CREBRF: variants seen among roughly 807,000 people sequenced by gnomAD.
CREBRF encodes UPF0474 protein C5orf41.
CREBRF carries 5 observed loss-of-function variants against 66.1 expected under a neutral mutation model. The observed-to-expected ratio is 0.08, with a 90% CI of 0.04 to 0.16. The LOEUF is 0.16. CREBRF is among the 10% of genes least tolerant of loss of function. The probability of loss-of-function intolerance (pLI) is 1.00; values close to 1 mark genes in which losing one functional copy is unlikely to be tolerated. For missense variants in CREBRF, 531 were observed against 744.9 expected, an observed-to-expected ratio of 0.71 and a Z score of 3.34; for synonymous variants, 229 against 264.4, an observed-to-expected ratio of 0.87 and a Z score of 1.30.
chr5:173,108,599 A>G, intron 4 of CREBRF, 25 bp from the exon 5 acceptor site: 1 of 1,589,586 alleles, frequency 6.3e-7, no homozygotes, highest in Non-Finnish European at 8.5e-7. Flanking sequence ...TATGGAGCTT[A>G]AAAATTGCGG....
chr5:173,069,765 A>G (rs1046619913), intron 1 of CREBRF, among the ~76,000 whole-genome samples: 2 of 152,166 alleles, frequency 1.3e-5, no homozygotes, highest in African/African-American at 4.8e-5. Flanking sequence ...AACCATGTTC[A>G]AATAACCTCT....
intron 4 of CREBRF, among the ~76,000 whole-genome samples, chr5:173,098,856 T>C (rs558251732): frequency 6.6e-6 from 1 of 152,028 alleles, no homozygotes; most frequent in Admixed American, 6.6e-5. Context: ...TTCTTTGTCT[T>C]GTGATAGTTG....
At position 173,136,042 on chromosome 5, in the gene CREBRF, G is replaced by T. The variant is rs1415231979; in HGVS notation, c.*2297G>T. 6.6e-6 allele frequency: 1 copy of T among 152,470 alleles called. No individual in the cohort carries two copies. The highest frequency in any genetic ancestry group is 2.4e-5 in the African/African-American group (1 of 41,446). The allele number at this position is 152,470 out of a possible 1,614,324, so 9.4% of individuals were successfully genotyped here. A position where few individuals can be genotyped will look rare whatever the true frequency, so the allele number is the denominator to read the frequency against. On this transcript the variant is annotated 3_prime_UTR_variant, in exon 9 of 9. Transcript: ENST00000296953. ...GAAGTATATGAAGTCTTGACAGAGT[G>T]TGTCTGGTAAATTGAAAAGTGTTTC...
At chr5:173,129,278 G>A (rs998861940) in intron 8 of CREBRF, among the ~76,000 whole-genome samples, 8 of 150,364 alleles carry the variant, frequency 5.3e-5, no homozygotes, top group East Asian at 4.0e-4. Flanking sequence ...CACTGCGCCC[G>A]GCTAATTTTT....
chr5:173,095,669 T>C (rs923815502), intron 4 of CREBRF, among the ~76,000 whole-genome samples: 3 of 152,300 alleles, frequency 2.0e-5, no homozygotes, highest in South Asian at 2.1e-4. Context: ...TTGGGTGATA[T>C]GGATATTTTG....
intron 6 of CREBRF, among the ~76,000 whole-genome samples, chr5:173,112,032 T>C (rs1725839898): frequency 6.6e-6 from 1 of 152,246 alleles, no homozygotes; most frequent in Admixed American, 6.5e-5. Context: ...TGTTTTCTGG[T>C]AACTCAGTTA....
intron 8 of CREBRF, among the ~76,000 whole-genome samples, chr5:173,131,695 TACACACACAC>T (rs67580803): frequency 0.36 from 54,271 of 148,908 alleles, 10,426 homozygotes; most frequent in Non-Finnish European, 0.43. Context: ...TATATATGTA[TACACACACAC>T]ACACACACAC....
chr5:173,092,022 G>C, intron 4 of CREBRF: 2 of 336,362 alleles, frequency 5.9e-6, no homozygotes, highest in Non-Finnish European at 8.4e-6. Context: ...CTGAGGTTGC[G>C]GTTAGCTGAC....
In CREBRF at chr5:173,138,662, G is replaced by A. The variant is rs1246942650; in HGVS notation, c.*4917G>A. On this transcript the variant is annotated 3_prime_UTR_variant, in exon 9 of 9. Coordinates refer to ENST00000296953, the MANE Select transcript of CREBRF (RefSeq NM_153607.3). ...CAATGGTGTAGTTAATTAAATTCTG[G>A]GTGGATAGGAGCAGGACTGATTACT... is the stretch of plus-strand genomic sequence containing the variant. 6.6e-6 allele frequency: 1 copy of A among 152,056 alleles called. No individual in the cohort carries two copies. The highest frequency in any genetic ancestry group is 1.5e-5 in the Non-Finnish European group (1 of 68,000). The allele number at this position is 152,056 out of a possible 1,614,324, so 9.4% of individuals were successfully genotyped here. A position where few individuals can be genotyped will look rare whatever the true frequency, so the allele number is the denominator to read the frequency against.
chr5:173,070,591 C>T (rs1202879809), intron 1 of CREBRF, among the ~76,000 whole-genome samples: 1 of 152,044 alleles, frequency 6.6e-6, no homozygotes, highest in African/African-American at 2.4e-5. Flanking sequence ...TTTAATTCTA[C>T]TTCTTCCTCT....
intron 1 of CREBRF, among the ~76,000 whole-genome samples, chr5:173,071,529 A>G (rs563742223): frequency 6.6e-6 from 1 of 151,024 alleles, no homozygotes; most frequent in South Asian, 2.2e-4. Context: ...TTTTTTTAAG[A>G]GACTAGGTCT....
intron 7 of CREBRF, 104 bp from the exon 8 acceptor site, chr5:173,122,976 A>G (rs1759176822): frequency 8.7e-7 from 1 of 1,145,776 alleles, no homozygotes; most frequent in African/African-American, 1.6e-5. Flanking sequence ...TATGTGCCAC[A>G]TTTTCTTAAT....
chr5:173,120,340 T>A (rs1759109527), intron 7 of CREBRF, among the ~76,000 whole-genome samples: 1 of 151,990 alleles, frequency 6.6e-6, no homozygotes, highest in Non-Finnish European at 1.5e-5. Context: ...GCTATTCAGA[T>A]GCTTTATTTC....
intron 7 of CREBRF, among the ~76,000 whole-genome samples, chr5:173,114,248 C>T (rs1758933187): frequency 6.6e-6 from 1 of 152,080 alleles, no homozygotes; most frequent in Non-Finnish European, 1.5e-5. Context: ...CAAAGCTATC[C>T]ATTTTCCTAT....
chr5:173,076,850 C>G (rs1757780834), intron 1 of CREBRF, among the ~76,000 whole-genome samples: 1 of 151,730 alleles, frequency 6.6e-6, no homozygotes, highest in Admixed American at 6.6e-5. Context: ...AACAAGACCT[C>G]TGGTCACATG....
At chr5:173,095,078 A>G (rs1212659644) in intron 4 of CREBRF, among the ~76,000 whole-genome samples, 1 of 151,966 alleles carries the variant, frequency 6.6e-6, no homozygotes, top group African/African-American at 2.4e-5. Context: ...CTTTGCCAAG[A>G]ATTAATTAAT....
At chr5:173,091,740 C>G in intron 4 of CREBRF, 1 of 1,011,218 alleles carries the variant, frequency 9.9e-7, no homozygotes, top group Non-Finnish European at 1.2e-6. Flanking sequence ...TGTTTTGTCA[C>G]TCTCTTGAGC....
Position 173,123,066 on chromosome 5 carries a change from G to T in CREBRF, c.1682-14G>T. 1 of 1,571,600 alleles carries T rather than the reference G, an allele frequency of 6.4e-7. No homozygotes were observed. The highest frequency in any genetic ancestry group is 1.2e-5 in the South Asian group (1 of 82,984). ...GGTAGTGACATATTCCAAGTGTTTT[G>T]TTCTGTCTTACAGATAATTTATTGT... On this transcript the variant is annotated splice_polypyrimidine_tract_variant and intron_variant, in intron 7 of 8. Coordinates refer to ENST00000296953, the MANE Select transcript of CREBRF (RefSeq NM_153607.3).
chr5:173,070,975 A>G (rs1757582110), intron 1 of CREBRF, among the ~76,000 whole-genome samples: 2 of 152,062 alleles, frequency 1.3e-5, no homozygotes, highest in African/African-American at 4.8e-5. Context: ...TAGATGTGAG[A>G]TATGATGGTC....
Sources: gnomAD v4.1 joint callset for allele counts (sites outside exome capture counted in the v4.1 genomes callset) on GRCh38, gnomAD v4.1.1 for gene constraint, MANE v1.5 for transcripts, NCBI Gene and HGNC (gene_info 2026-07-23, HGNC 2026-07-21) for gene names.